The following PTPRD variants were observed in gnomAD, a reference collection of about 807,000 sequenced individuals.
PTPRD encodes protein tyrosine phosphatase receptor type D.
In PTPRD, 34 loss-of-function variants were observed where a neutral mutation model predicts 214.5. The observed-to-expected ratio is 0.16, with a 90% confidence interval of 0.12 to 0.21. The LOEUF is 0.21. Ranked by LOEUF, PTPRD falls within the 10% of genes least tolerant of loss-of-function variation. The pLI is 1.00. For missense variants in PTPRD, 2,545 were observed against 2,398.7 expected, an observed-to-expected ratio of 1.06 and a Z score of -1.27; for synonymous variants, 1,128 against 845.7, an observed-to-expected ratio of 1.33 and a Z score of -5.79.
intron 5 of PTPRD, among the ~76,000 whole-genome samples, chr9:9,825,244 C>G (rs181626261): frequency 5.4e-4 from 82 of 151,214 alleles, no homozygotes; most frequent in African/African-American, 1.9e-3. Flanking sequence ...TACTAGTTTT[C>G]AAAATAAAGA....
intron 8 of PTPRD, among the ~76,000 whole-genome samples, chr9:9,476,427 G>C (rs1055677962): frequency 3.3e-5 from 5 of 152,166 alleles, no homozygotes; most frequent in African/African-American, 1.2e-4. Context: ...GATTATAACA[G>C]ATTTTGTAAG....
rs137855459 is a variant in PTPRD, at chr9:10,130,039, A to T, written c.-544-96249T>A. On this transcript the variant is annotated intron_variant, in intron 3 of 45. Coordinates refer to ENST00000381196, the MANE Select transcript of PTPRD (RefSeq NM_002839.4). The stretch of plus-strand genomic sequence containing the variant: ...TTAAAATTGGTGCACTGAAAAGTAT[A>T]GTTTGATTTGTTTTTTTGATTTTGA... 8.1e-4 allele frequency among the ~76,000 whole-genome samples: 120 copies of T among 149,006 alleles called. 3 individuals carry two copies. In the South Asian group the frequency reaches 0.025, roughly 31 times the overall value.
rs566456799 is a variant in PTPRD at position 8,965,962 on chromosome 9, A to G, written c.-104+52735T>C. On this transcript the variant is annotated intron_variant, in intron 11 of 45. Coordinates refer to ENST00000381196, the MANE Select transcript of PTPRD (RefSeq NM_002839.4). The stretch of plus-strand genomic sequence containing the variant: ...AGGTTTCAGAATACAAAATCAATGT[A>G]CAAAAACAAGCAACATTTCTATACA... Among the ~76,000 whole-genome samples, 5 of 152,264 alleles carry G rather than the reference A, an allele frequency of 3.3e-5. No homozygotes were observed. In the South Asian group the frequency reaches 1.0e-3, roughly 32 times the overall value.
intron 2 of PTPRD, among the ~76,000 whole-genome samples, chr9:10,436,316 A>G (rs1172856565): frequency 6.6e-6 from 1 of 151,798 alleles, no homozygotes; most frequent in Non-Finnish European, 1.5e-5. Flanking sequence ...TGTCCACATT[A>G]GCATTAGAAA....
At chr9:9,333,527 A>ATATATATAT (rs1569567453) in intron 9 of PTPRD, among the ~76,000 whole-genome samples, 1 of 124,108 alleles carries the variant, frequency 8.1e-6, no homozygotes, top group African/African-American at 4.8e-5. Flanking sequence ...TATATATATA[A>ATATATATAT]AGTCTGCAAT....
chr9:9,980,709 A>G (rs1299521919), intron 4 of PTPRD, among the ~76,000 whole-genome samples: 1 of 64,612 alleles, frequency 1.5e-5, no homozygotes, highest in Non-Finnish European at 4.2e-5. Flanking sequence ...AAAGGGTGAT[A>G]CAGAAAAAAA....
intron 9 of PTPRD, among the ~76,000 whole-genome samples, chr9:9,197,536 G>A (rs1435635585): frequency 6.6e-6 from 1 of 152,132 alleles, no homozygotes; most frequent in Non-Finnish European, 1.5e-5. Context: ...CCACCCTCTC[G>A]AGTAGCTGGG....
intron 8 of PTPRD, among the ~76,000 whole-genome samples, chr9:9,445,084 A>G (rs1445728753): frequency 3.9e-5 from 6 of 152,186 alleles, no homozygotes; most frequent in Non-Finnish European, 7.3e-5. Context: ...ACAATTTGTA[A>G]GATTTTTGCA....
intron 14 of PTPRD, among the ~76,000 whole-genome samples, chr9:8,583,133 G>T (rs1388068245): frequency 6.6e-6 from 1 of 152,098 alleles, no homozygotes; most frequent in Non-Finnish European, 1.5e-5. Context: ...GCACCACCTA[G>T]ATCCCTCACA....
intron 12 of PTPRD, among the ~76,000 whole-genome samples, chr9:8,721,444 A>C (rs1008788473): frequency 6.6e-6 from 1 of 151,848 alleles, no homozygotes; most frequent in African/African-American, 2.4e-5. Context: ...AAAAAAAAAA[A>C]AGAAAGATAA....
chr9:8,836,190 C>A (rs2097417860), intron 11 of PTPRD, among the ~76,000 whole-genome samples: 1 of 152,026 alleles, frequency 6.6e-6, no homozygotes, highest in African/African-American at 2.4e-5. Flanking sequence ...TATAATATAA[C>A]CAAAGTTAGT....
chr9:8,334,690 C>G (rs1458924413), intron 43 of PTPRD, among the ~76,000 whole-genome samples: 1 of 93,718 alleles, frequency 1.1e-5, no homozygotes, highest in African/African-American at 4.2e-5. Context: ...AAGAACACTA[C>G]AGAACTGAAG....
chr9:8,347,375 C>T (rs1255027189), intron 39 of PTPRD, among the ~76,000 whole-genome samples: 2 of 152,124 alleles, frequency 1.3e-5, no homozygotes, highest in African/African-American at 2.4e-5. Flanking sequence ...CAAACATTTA[C>T]TGAGTGCCTA....
At chr9:10,312,617 T>C (rs2096297924) in intron 3 of PTPRD, among the ~76,000 whole-genome samples, 1 of 152,032 alleles carries the variant, frequency 6.6e-6, no homozygotes, top group African/African-American at 2.4e-5. Context: ...TTATCATCTA[T>C]GTTTGTGTAA....
At chr9:9,354,056 T>C (rs2052618204) in intron 9 of PTPRD, among the ~76,000 whole-genome samples, 1 of 151,820 alleles carries the variant, frequency 6.6e-6, no homozygotes, top group Middle Eastern at 3.2e-3. Flanking sequence ...TGTCCCCACA[T>C]GGCCTCCTTC....
intron 4 of PTPRD, among the ~76,000 whole-genome samples, chr9:10,007,914 A>G (rs867797676): frequency 4.1e-4 from 62 of 152,130 alleles, no homozygotes; most frequent in African/African-American, 1.4e-3. Context: ...CATGTTAAAG[A>G]AAAGTATATT....
intron 5 of PTPRD, among the ~76,000 whole-genome samples, chr9:9,787,550 G>A (rs1436367752): frequency 6.6e-6 from 1 of 151,564 alleles, no homozygotes; most frequent in Admixed American, 6.6e-5. Context: ...ATAAAGCAAA[G>A]GAAGGGTAAA....
intron 11 of PTPRD, among the ~76,000 whole-genome samples, chr9:8,967,283 A>T (rs533317254): frequency 3.0e-4 from 45 of 152,126 alleles, no homozygotes; most frequent in Non-Finnish European, 5.0e-4. Context: ...ATGACTCAGC[A>T]ATCCCATTAT....
intron 2 of PTPRD, among the ~76,000 whole-genome samples, chr9:10,461,561 TG>T (rs1179474003): frequency 1.3e-5 from 2 of 151,894 alleles, no homozygotes; most frequent in Non-Finnish European, 2.9e-5. Context: ...GATACTATGC[TG>T]GATCAAATAA....
Sources: gnomAD v4.1 joint callset for allele counts (sites outside exome capture counted in the v4.1 genomes callset) on GRCh38, gnomAD v4.1.1 for gene constraint, MANE v1.5 for transcripts, NCBI Gene and HGNC (gene_info 2026-07-23, HGNC 2026-07-21) for gene names.